The following ZNF148 variants were observed in gnomAD, a reference collection of about 807,000 sequenced individuals.
The protein encoded by ZNF148 is Beta-Enolase Repressor Factor-1.
In ZNF148, 7 loss-of-function variants were observed where a neutral mutation model predicts 67.7. That is an observed-to-expected ratio of 0.10 (90% confidence interval 0.06 to 0.19). ZNF148 has a LOEUF of 0.19. Ranked by LOEUF, ZNF148 falls within the 10% of genes least tolerant of loss-of-function variation. The pLI is 1.00. For missense variants in ZNF148, 583 were observed against 947.1 expected, an observed-to-expected ratio of 0.62 and a Z score of 5.05; for synonymous variants, 333 against 330.7, an observed-to-expected ratio of 1.01 and a Z score of -0.08.
intron 1 of ZNF148, among the ~76,000 whole-genome samples, chr3:125,333,351 A>G (rs1356927808): frequency 6.6e-6 from 1 of 152,218 alleles, no homozygotes; most frequent in Non-Finnish European, 1.5e-5. Context: ...ATAAATTTAT[A>G]AACAGAAATT....
intron 7 of ZNF148, among the ~76,000 whole-genome samples, chr3:125,242,319 T>C (rs1211291431): frequency 6.6e-6 from 1 of 152,200 alleles, no homozygotes; most frequent in Non-Finnish European, 1.5e-5. Context: ...GTTTCATTTT[T>C]TACATTAAAT....
At chr3:125,271,292 T>C (rs1355726659) in intron 7 of ZNF148, among the ~76,000 whole-genome samples, 1 of 152,206 alleles carries the variant, frequency 6.6e-6, no homozygotes, top group East Asian at 1.9e-4. Context: ...CTTCCTGCTT[T>C]CCTCAGAATG....
chr3:125,356,764 T>C (rs1428822580), intron 1 of ZNF148, among the ~76,000 whole-genome samples: 1 of 152,222 alleles, frequency 6.6e-6, no homozygotes, highest in African/African-American at 2.4e-5. Context: ...TAGCTTTCAT[T>C]CTACTGCACA....
At chr3:125,293,885 G>A (rs1291149372) in intron 4 of ZNF148, among the ~76,000 whole-genome samples, 1 of 152,134 alleles carries the variant, frequency 6.6e-6, no homozygotes, top group Non-Finnish European at 1.5e-5. Flanking sequence ...AAAATTTTGA[G>A]AGAGAGGATA....
intron 7 of ZNF148, among the ~76,000 whole-genome samples, chr3:125,275,542 CCTTAA>C (rs1244324739): frequency 1.3e-5 from 2 of 152,116 alleles, no homozygotes; most frequent in African/African-American, 4.8e-5. Context: ...TGGGAAAGTT[CCTTAA>C]CTTATGTGCA....
intron 2 of ZNF148, among the ~76,000 whole-genome samples, 165 bp downstream of exon 2, chr3:125,330,993 A>C (rs1356938572): frequency 1.3e-5 from 2 of 152,134 alleles, no homozygotes; most frequent in East Asian, 3.8e-4. Flanking sequence ...CATATTATTT[A>C]TAATATTTAT....
intron 1 of ZNF148, among the ~76,000 whole-genome samples, chr3:125,336,868 G>T (rs1178022896): frequency 1.3e-5 from 2 of 151,158 alleles, no homozygotes; most frequent in African/African-American, 4.9e-5. Context: ...GTAGAGATGG[G>T]GTTTCACCAT....
At chr3:125,340,009 T>C (rs1442964213) in intron 1 of ZNF148, among the ~76,000 whole-genome samples, 2 of 152,146 alleles carry the variant, frequency 1.3e-5, no homozygotes, top group Non-Finnish European at 2.9e-5. Flanking sequence ...CTACTGCCCC[T>C]ACTCACGAAG....
chr3:125,270,613 C>T (rs973592757), intron 7 of ZNF148, among the ~76,000 whole-genome samples: 1 of 152,120 alleles, frequency 6.6e-6, no homozygotes, highest in South Asian at 2.1e-4. Context: ...AGTAGAGAAA[C>T]TTATCTTGTT....
chr3:125,288,283 A>T, intron 4 of ZNF148, 55 bp from the exon 5 acceptor site: 3 of 1,538,746 alleles, frequency 1.9e-6, no homozygotes, highest in Non-Finnish European at 2.6e-6. Context: ...TCATTGTGAC[A>T]AAAGGCCATT....
At chr3:125,258,349 C>T (rs1043454440) in intron 7 of ZNF148, among the ~76,000 whole-genome samples, 8 of 133,566 alleles carry the variant, frequency 6.0e-5, no homozygotes, top group African/African-American at 1.1e-4. Flanking sequence ...GGCGTGAACC[C>T]GGGAGGCAGA....
At chr3:125,307,291 T>A (rs1192274935) in intron 4 of ZNF148, among the ~76,000 whole-genome samples, 2 of 144,860 alleles carry the variant, frequency 1.4e-5, no homozygotes, top group African/African-American at 5.0e-5. Context: ...CTTGATGAAG[T>A]TAAATATCCA....
At chr3:125,253,343 CTG>C (rs1243538876) in intron 7 of ZNF148, among the ~76,000 whole-genome samples, 3 of 152,134 alleles carry the variant, frequency 2.0e-5, no homozygotes, top group Non-Finnish European at 4.4e-5. Flanking sequence ...ACAGTGATAA[CTG>C]ATGAATTTAC....
intron 7 of ZNF148, among the ~76,000 whole-genome samples, chr3:125,242,526 C>A (rs1936413446): frequency 6.6e-6 from 1 of 152,144 alleles, no homozygotes; most frequent in Non-Finnish European, 1.5e-5. Context: ...GAGGCTGAAG[C>A]AGGAGAATTG....
chr3:125,232,805 G>T lies in ZNF148; in HGVS notation c.1921C>A (p.Pro641Thr). 6.2e-7 allele frequency: 1 copy of T among 1,613,826 alleles called. No homozygotes were observed. Among genetic ancestry groups the T allele is most frequent in the Non-Finnish European group, 8.5e-7 (1 of 1,179,782 alleles). ...TGCTTGTCTATGGAAGAGAATGCTG[G>T]CTGATTTGGGAGGGTCTGGTTATCA... ...VTDNQTLPNQ[P>T]AFSSIDKQVY... Residue 641 changes from proline to threonine, a missense_variant, in exon 9 of 9, where the codon CCA becomes ACA. Physicochemically the swap from Pro to Thr is conservative, Grantham distance 38. This residue lies in a region of ZNF148 where 158 missense variants were observed against 208.4 expected (regional missense o/e 0.76). Coordinates refer to ENST00000360647, the MANE Select transcript of ZNF148 (RefSeq NM_021964.3). The surrounding 1 kb of genome is among the most constrained non-coding windows in gnomAD (Gnocchi z 4.2).
intron 4 of ZNF148, among the ~76,000 whole-genome samples, chr3:125,296,124 C>CT (rs777081088): frequency 0.13 from 17,832 of 141,116 alleles, 1,244 homozygotes; most frequent in Admixed American, 0.17. Flanking sequence ...TCTAAAGATT[C>CT]TTTTTTTTTT....
At chr3:125,257,749 C>T (rs185734271) in intron 7 of ZNF148, among the ~76,000 whole-genome samples, 6 of 152,058 alleles carry the variant, frequency 3.9e-5, no homozygotes, top group Admixed American at 2.6e-4. Context: ...AAACTGCTTC[C>T]GGATGTCTAA....
At chr3:125,340,724 T>C (rs1043719509) in intron 1 of ZNF148, among the ~76,000 whole-genome samples, 4 of 152,036 alleles carry the variant, frequency 2.6e-5, no homozygotes, top group Non-Finnish European at 5.9e-5. Context: ...CGGTGGCTCA[T>C]GCCTGTAATC....
chr3:125,305,791 C>CA (rs778876630), intron 4 of ZNF148, among the ~76,000 whole-genome samples: 1,509 of 81,734 alleles, frequency 0.018, 21 homozygotes, highest in African/African-American at 0.053. Flanking sequence ...CCAGCACGGG[C>CA]AAAAAAAAAA....
Sources: allele counts gnomAD v4.1 joint callset (sites outside exome capture counted in the v4.1 genomes callset), GRCh38; gene constraint gnomAD v4.1.1; regional missense constraint gnomAD v4.1.1; non-coding constraint Gnocchi (gnomAD v3.1); transcripts MANE v1.5; gene names NCBI Gene and HGNC (gene_info 2026-07-23, HGNC 2026-07-21).